ZFYVE9: variants seen among roughly 807,000 people sequenced by gnomAD.
ZFYVE9 encodes zinc finger FYVE domain-containing protein 9.
ZFYVE9 carries 43 observed loss-of-function variants against 126.7 expected under a neutral mutation model. The observed-to-expected ratio is 0.34, with a 90% CI of 0.27 to 0.44. The LOEUF (loss-of-function observed/expected upper bound fraction) is 0.44. Among genes scored for constraint, ZFYVE9 ranks in the 20% least tolerant of loss-of-function variants. The pLI is 1.00. For synonymous variants in ZFYVE9, 521 were observed against 597.4 expected (o/e 0.87, Z 1.87); for missense variants, 1,476 against 1,697.0 (o/e 0.87, Z 2.29).
At chr1:52,313,895 A>C (rs376270077) in intron 13 of ZFYVE9, among the ~76,000 whole-genome samples, 2 of 152,382 alleles carry the variant, frequency 1.3e-5, no homozygotes, top group East Asian at 1.9e-4. Context: ...TGATCATGAA[A>C]ACATAACAAC....
chr1:52,344,922 G>C lies in ZFYVE9; in HGVS notation c.4094G>C (p.Arg1365Pro). 6.2e-7 allele frequency: 1 copy of C among 1,614,164 alleles called. No homozygotes were observed. Among genetic ancestry groups the C allele is most frequent in the Non-Finnish European group, 8.5e-7 (1 of 1,180,034 alleles). The change falls in exon 18 of 19, where the codon CGT becomes CCT. Residue 1365 changes from arginine (R) to proline (P), a missense_variant. Arg to Pro is a moderately radical substitution (Grantham distance 103, BLOSUM62 -2). Coordinates refer to ENST00000287727, the MANE Select transcript of ZFYVE9 (RefSeq NM_004799.4). ...GATGGAATGACCAAACTGGGACTACGTGTGACACTTGACTCAGATCAGGTA... is the reference window on the plus strand; with the variant it reads ...GATGGAATGACCAAACTGGGACTACCTGTGACACTTGACTCAGATCAGGTA... ...KEDGMTKLGL[R>P]VTLDSDQVGY...
chr1:52,206,781 C>T (rs1462930386), intron 1 of ZFYVE9, among the ~76,000 whole-genome samples: 1 of 152,160 alleles, frequency 6.6e-6, no homozygotes, highest in Non-Finnish European at 1.5e-5. Context: ...AACTCCTGAC[C>T]TCAGGTGATC....
chr1:52,281,783 C>T lies in ZFYVE9; in HGVS notation c.2992C>T (p.His998Tyr). The T allele has an allele frequency of 6.2e-7, 1 of 1,614,170 alleles. No individual in the cohort carries two copies. Among genetic ancestry groups the T allele is most frequent in the Non-Finnish European group, 8.5e-7 (1 of 1,180,010 alleles). ...GTGTTTGCCAAAGGATATCTTTAAT[C>T]ACTTTGTGCAGCTTTATCGGGATGC... The part of the protein sequence containing the change: ...EKCLPKDIFN[H>Y]FVQLYRDALA... The change falls in exon 10 of 19, where the codon CAC (histidine) becomes TAC (tyrosine). Residue 998 changes from histidine (H) to tyrosine (Y), a missense_variant. Transcript: ENST00000287727.
At chr1:52,299,570 T>A (rs771769803) in intron 12 of ZFYVE9, among the ~76,000 whole-genome samples, 1 of 152,248 alleles carries the variant, frequency 6.6e-6, no homozygotes. Flanking sequence ...CTGGGCTGCT[T>A]GTCCAGCTGG....
intron 2 of ZFYVE9, among the ~76,000 whole-genome samples, chr1:52,231,144 A>C (rs1036940532): frequency 6.6e-6 from 1 of 152,170 alleles, no homozygotes; most frequent in Non-Finnish European, 1.5e-5. Context: ...TAAATGTGCA[A>C]CCTATCTGAA....
At chr1:52,175,807 G>A (rs909026506) in intron 1 of ZFYVE9, among the ~76,000 whole-genome samples, 21 of 152,142 alleles carry the variant, frequency 1.4e-4, no homozygotes, top group Admixed American at 1.3e-3. Context: ...CGGCTCCTGA[G>A]GCTTCTGCAT....
intron 7 of ZFYVE9, 79 bp from the exon 8 acceptor site, chr1:52,274,385 C>T (rs1645724525): frequency 1.4e-6 from 2 of 1,437,366 alleles, no homozygotes; most frequent in Non-Finnish European, 1.9e-6. Context: ...CACTTAAGTT[C>T]CCATTTGTAT....
intron 1 of ZFYVE9, among the ~76,000 whole-genome samples, chr1:52,144,005 A>G (rs1644285535): frequency 6.6e-6 from 1 of 152,220 alleles, no homozygotes; most frequent in South Asian, 2.1e-4. Flanking sequence ...GGCTAGGCCT[A>G]CTAGGGAGGC....
chr1:52,313,148 T>G (rs1646153668), intron 13 of ZFYVE9, among the ~76,000 whole-genome samples: 1 of 152,212 alleles, frequency 6.6e-6, no homozygotes, highest in South Asian at 2.1e-4. Context: ...TGGGCTTGAT[T>G]TTGGACTTCT....
In ZFYVE9 at chr1:52,222,793, G is replaced by A. The variant is rs374050509; in HGVS notation, c.-37+6319G>A. On this transcript the variant is annotated intron_variant, in intron 2 of 18. Coordinates refer to ENST00000287727, the MANE Select transcript of ZFYVE9 (RefSeq NM_004799.4). Reference sequence around the variant, plus strand: ...GATGGATTTGGCTTTCTTCCGAAGTGGTGACCAGGTTTAAGGAAGTAAGTT... The same window carrying A: ...GATGGATTTGGCTTTCTTCCGAAGTAGTGACCAGGTTTAAGGAAGTAAGTT... Among the ~76,000 whole-genome samples the A allele has an allele frequency of 6.8e-4, 103 of 152,274 alleles. 1 individual carries two copies. The South Asian group carries it at 0.021, about 32-fold the overall frequency.
intron 1 of ZFYVE9, among the ~76,000 whole-genome samples, chr1:52,175,776 G>A (rs971100898): frequency 1.3e-5 from 2 of 151,974 alleles, no homozygotes; most frequent in Non-Finnish European, 2.9e-5. Flanking sequence ...CACTGAAACC[G>A]TTTCTTCCAG....
chr1:52,181,656 G>A (rs1186505802), intron 1 of ZFYVE9, among the ~76,000 whole-genome samples: 1 of 151,812 alleles, frequency 6.6e-6, no homozygotes, highest in Non-Finnish European at 1.5e-5. Flanking sequence ...CTTCCCGGCC[G>A]CCATCCCATC....
At chr1:52,274,805 T>C (rs1645729569) in intron 8 of ZFYVE9, among the ~76,000 whole-genome samples, 1 of 152,150 alleles carries the variant, frequency 6.6e-6, no homozygotes. Flanking sequence ...GGATATAATA[T>C]TACTTATAAT....
intron 1 of ZFYVE9, among the ~76,000 whole-genome samples, chr1:52,145,864 C>A (rs944063532): frequency 6.6e-6 from 1 of 151,946 alleles, no homozygotes; most frequent in African/African-American, 2.4e-5. Context: ...AATTAGTATT[C>A]CCTTTATATA....
chr1:52,320,588 A>T (rs1646230030), intron 13 of ZFYVE9, among the ~76,000 whole-genome samples: 1 of 152,256 alleles, frequency 6.6e-6, no homozygotes, highest in Non-Finnish European at 1.5e-5. Context: ...TTGAAAAAGA[A>T]GATGAACCTC....
At chr1:52,227,203 A>G (rs972490260) in intron 2 of ZFYVE9, among the ~76,000 whole-genome samples, 3 of 152,256 alleles carry the variant, frequency 2.0e-5, no homozygotes, top group African/African-American at 7.2e-5. Context: ...TCTTCAGTTG[A>G]GGGTGGAGCA....
At chr1:52,257,789 C>T (rs894152628) in intron 4 of ZFYVE9, among the ~76,000 whole-genome samples, 1 of 152,206 alleles carries the variant, frequency 6.6e-6, no homozygotes, top group African/African-American at 2.4e-5. Flanking sequence ...GGCTGGAATG[C>T]GGTGGCGCGA....
At chr1:52,228,791 G>C (rs1167657603) in intron 2 of ZFYVE9, among the ~76,000 whole-genome samples, 2 of 152,000 alleles carry the variant, frequency 1.3e-5, no homozygotes, top group East Asian at 3.8e-4. Context: ...AATTTATGCT[G>C]TGTGTGTGTA....
chr1:52,289,203 C>T (rs1645894283), intron 10 of ZFYVE9, among the ~76,000 whole-genome samples: 1 of 152,074 alleles, frequency 6.6e-6, no homozygotes, highest in African/African-American at 2.4e-5. Context: ...GGCTGCGTGA[C>T]ATACAAAGAC....
Sources: gnomAD v4.1 joint callset for allele counts (sites outside exome capture counted in the v4.1 genomes callset) on GRCh38, gnomAD v4.1.1 for gene constraint, MANE v1.5 for transcripts, NCBI Gene and HGNC (gene_info 2026-07-23, HGNC 2026-07-21) for gene names.